The following DAPK1 variants were observed in gnomAD, a reference collection of about 807,000 sequenced individuals.
The protein encoded by DAPK1 is death associated protein kinase 1.
In DAPK1, 56 loss-of-function variants were observed where a neutral mutation model predicts 144.9. The observed-to-expected ratio is 0.39, with a 90% CI of 0.31 to 0.48. The LOEUF (loss-of-function observed/expected upper bound fraction) is 0.48, where lower values mean the gene tolerates loss of function less well. Ranked by LOEUF, DAPK1 falls within the 20% of genes least tolerant of loss-of-function variation. The pLI, the probability that DAPK1 is intolerant of heterozygous loss-of-function variation, is 0.95. For synonymous variants in DAPK1, 690 were observed against 749.0 expected (o/e 0.92, Z 1.29); for missense variants, 1,454 against 1,875.4 (o/e 0.78, Z 4.15).
chr9:87,531,515 A>C (rs1825697200), intron 2 of DAPK1, among the ~76,000 whole-genome samples: 1 of 152,196 alleles, frequency 6.6e-6, no homozygotes, highest in African/African-American at 2.4e-5. Context: ...CATTCACTGC[A>C]CAGCAAAGAC....
rs879328306 is a variant in DAPK1 at position 87,519,986 on chromosome 9, C to CT, written c.62+20855dup. ...GTTTGAGTAGTCTGAAATGCTGTGA[C>CT]TTTTTTTTGTTGTTGTTAATAAAGA... On this transcript the variant is annotated intron_variant, in intron 2 of 25. Coordinates refer to ENST00000408954, the MANE Select transcript of DAPK1 (RefSeq NM_004938.4). Among the ~76,000 whole-genome samples the CT allele has an allele frequency of 9.4e-3, 1,417 of 150,804 alleles. 6 individuals are homozygous for CT. The highest frequency in any genetic ancestry group is 0.01 in the African/African-American group (418 of 41,046).
chr9:87,623,889 G>A (rs1360268511), intron 3 of DAPK1, among the ~76,000 whole-genome samples: 2 of 152,118 alleles, frequency 1.3e-5, no homozygotes, highest in African/African-American at 4.8e-5. Flanking sequence ...TTTGTTCCTG[G>A]ACTGGGAGGG....
At chr9:87,661,223 T>C (rs1830835970) in intron 18 of DAPK1, among the ~76,000 whole-genome samples, 1 of 152,210 alleles carries the variant, frequency 6.6e-6, no homozygotes, top group African/African-American at 2.4e-5. Context: ...CGGTGGACAC[T>C]TAGTTTGATT....
At chr9:87,644,919 T>G (rs1372917440) in intron 11 of DAPK1, among the ~76,000 whole-genome samples, 1 of 152,216 alleles carries the variant, frequency 6.6e-6, no homozygotes, top group African/African-American at 2.4e-5. Context: ...TGTAAACGCC[T>G]CTTAGTCATT....
At chr9:87,518,382 C>G (rs1825164496) in intron 2 of DAPK1, among the ~76,000 whole-genome samples, 1 of 151,584 alleles carries the variant, frequency 6.6e-6, no homozygotes, top group African/African-American at 2.4e-5. Flanking sequence ...CCCACCTCAG[C>G]CTCCCAAAGT....
chr9:87,620,557 G>T (rs1829256140), intron 3 of DAPK1, among the ~76,000 whole-genome samples: 1 of 146,862 alleles, frequency 6.8e-6, no homozygotes, highest in Non-Finnish European at 1.5e-5. Context: ...GGAAGAGAAG[G>T]AGTAGGGGGA....
At position 87,706,698 on chromosome 9, in the gene DAPK1, C is replaced by T. The variant is rs754319751; in HGVS notation, c.3627C>T (p.Cys1209=). ...RGLETEKIKC[C]LLLDSVCSTI... ...TGGAGACGGAGAAGATCAAGTGCTG[C>T]CTGCTGCTGGACTCGGTGTGCAGCA... Residue 1209 remains cysteine, a synonymous_variant, in exon 26 of 26, where the codon TGC becomes TGT. Coordinates refer to ENST00000408954, the MANE Select transcript of DAPK1 (RefSeq NM_004938.4). This position sits in a 1 kb window ranked among gnomAD's most constrained non-coding sequence, Gnocchi z 9.0. 4 of 1,611,676 alleles carry T rather than the reference C, an allele frequency of 2.5e-6. No homozygotes were observed. The highest frequency in any genetic ancestry group is 1.3e-5 in the African/African-American group (1 of 74,920).
At chr9:87,499,283 TA>T in intron 2 of DAPK1, 144 bp downstream of exon 2, 1 of 775,410 alleles carries the variant, frequency 1.3e-6, no homozygotes, top group Non-Finnish European at 2.1e-6. Flanking sequence ...AAAGAGTTAC[TA>T]ACCCAGCGGT....
intron 2 of DAPK1, among the ~76,000 whole-genome samples, chr9:87,563,042 T>G (rs1345904611): frequency 6.6e-6 from 1 of 152,212 alleles, no homozygotes; most frequent in African/African-American, 2.4e-5. Flanking sequence ...GCCTAGAGAT[T>G]TGGTACTGGT....
intron 2 of DAPK1, among the ~76,000 whole-genome samples, chr9:87,562,126 C>T (rs1481064655): frequency 6.6e-6 from 1 of 152,172 alleles, no homozygotes; most frequent in Non-Finnish European, 1.5e-5. Flanking sequence ...GCAGGGCAGG[C>T]CTCCTGCAGT....
chr9:87,525,731 T>C (rs1395854745), intron 2 of DAPK1, among the ~76,000 whole-genome samples: 1 of 152,144 alleles, frequency 6.6e-6, no homozygotes. Context: ...GACCTGGCAC[T>C]GTGGCCGCTC....
chr9:87,672,197 G>A (rs1234732563), intron 19 of DAPK1, among the ~76,000 whole-genome samples: 3 of 152,212 alleles, frequency 2.0e-5, no homozygotes, highest in Non-Finnish European at 4.4e-5. Flanking sequence ...GCTGTGAGGT[G>A]CAGCAGTGGC....
intron 3 of DAPK1, among the ~76,000 whole-genome samples, chr9:87,634,282 A>G (rs1025889503): frequency 1.3e-5 from 2 of 152,190 alleles, no homozygotes; most frequent in African/African-American, 4.8e-5. Flanking sequence ...CTCATTGATC[A>G]GTTGCTGAAT....
intron 17 of DAPK1, among the ~76,000 whole-genome samples, chr9:87,656,150 A>G (rs1694431827): frequency 6.6e-6 from 1 of 152,216 alleles, no homozygotes; most frequent in African/African-American, 2.4e-5. Flanking sequence ...GCTTTGACAG[A>G]TGGAGAAGAG....
intron 2 of DAPK1, among the ~76,000 whole-genome samples, chr9:87,570,823 G>GTTTCGA (rs1827302629): frequency 6.6e-6 from 1 of 152,156 alleles, no homozygotes; most frequent in South Asian, 2.1e-4. Context: ...AAACACATAG[G>GTTTCGA]GTGTCGAGTA....
At chr9:87,649,821 G>T in intron 15 of DAPK1, 100 bp from the exon 16 acceptor site, 2 of 1,107,988 alleles carry the variant, frequency 1.8e-6, no homozygotes, top group South Asian at 2.6e-5. Flanking sequence ...TGCTGCCTTG[G>T]TTGCGTTTCT....
Position 87,604,966 on chromosome 9 carries a change from G to A in DAPK1, c.75G>A (p.Ala25=), listed in dbSNP as rs774146874. The A allele has an allele frequency of 7.4e-6, 12 of 1,613,804 alleles. No homozygotes were observed. The highest frequency in any genetic ancestry group is 1.6e-4 in the Middle Eastern group (1 of 6,084). ...TGEELGSGQF[A]VVKKCREKST... ...CTTCTCTTTTCAGTGGACAGTTTGC[G>A]GTTGTGAAGAAATGCCGTGAGAAAA... The change falls in exon 3 of 26, where the codon GCG becomes GCA. Residue 25 remains alanine, a synonymous_variant. Coordinates refer to ENST00000408954, the MANE Select transcript of DAPK1 (RefSeq NM_004938.4).
chr9:87,696,855 C>T (rs1825276246), intron 21 of DAPK1, 152 bp from the exon 22 acceptor site: 9 of 673,186 alleles, frequency 1.3e-5, no homozygotes, highest in Middle Eastern at 8.3e-4. Flanking sequence ...GGGAACAAAC[C>T]ATACCCAAGT....
chr9:87,531,540 C>G (rs1355979110), intron 2 of DAPK1, among the ~76,000 whole-genome samples: 2 of 152,154 alleles, frequency 1.3e-5, no homozygotes, highest in Admixed American at 6.5e-5. Flanking sequence ...GTGTCTCAGA[C>G]TGGTGCAAAC....
Sources: gnomAD v4.1 joint callset for allele counts (sites outside exome capture counted in the v4.1 genomes callset) on GRCh38, gnomAD v4.1.1 for gene constraint, Gnocchi (gnomAD v3.1) non-coding constraint, MANE v1.5 for transcripts, NCBI Gene and HGNC (gene_info 2026-07-23, HGNC 2026-07-21) for gene names.